WDR82: variants seen among roughly 807,000 people sequenced by gnomAD.
WDR82 encodes WD repeat domain 82.
In WDR82, 8 loss-of-function variants were observed where a neutral mutation model predicts 36.1. The observed-to-expected ratio is 0.22, with a 90% CI of 0.13 to 0.40. WDR82 has a LOEUF of 0.40. Among genes scored for constraint, WDR82 ranks in the 10% least tolerant of loss-of-function variants. The pLI is 1.00. For synonymous variants in WDR82, 129 were observed against 137.8 expected, an observed-to-expected ratio of 0.94 and a Z score of 0.45; for missense variants, 185 against 400.5, an observed-to-expected ratio of 0.46 and a Z score of 4.59.
At chr3:52,266,782 C>T (rs1393484671) in intron 3 of WDR82, among the ~76,000 whole-genome samples, 170 bp downstream of exon 3, 3 of 152,096 alleles carry the variant, frequency 2.0e-5, no homozygotes, top group African/African-American at 7.2e-5. Context: ...TACCTCTGCA[C>T]CTCTATAACC....
At chr3:52,266,286 T>C (rs1471470427) in intron 3 of WDR82, among the ~76,000 whole-genome samples, 7 of 152,122 alleles carry the variant, frequency 4.6e-5, no homozygotes, top group Non-Finnish European at 4.4e-5. Context: ...TATGTGAGAT[T>C]TGGTATTCCT....
chr3:52,275,747 G>A lies in WDR82; in HGVS notation c.161+2454C>T, dbSNP rs553917067. Reference sequence around the variant, plus strand: ...AAAGATACAAAAATTAGCCAGGCATGGTGGCATGCACCTGTAATCCCAGCT... The same window carrying A: ...AAAGATACAAAAATTAGCCAGGCATAGTGGCATGCACCTGTAATCCCAGCT... On this transcript the variant is annotated intron_variant, in intron 1 of 8. Coordinates refer to ENST00000296490, the MANE Select transcript of WDR82 (RefSeq NM_025222.4). 1.4e-4 allele frequency among the ~76,000 whole-genome samples: 22 copies of A among 152,296 alleles called. No homozygotes were observed. The South Asian group carries it at 4.6e-3, about 32-fold the overall frequency.
intron 1 of WDR82, among the ~76,000 whole-genome samples, chr3:52,275,044 A>C (rs923370898): frequency 2.0e-5 from 3 of 152,090 alleles, no homozygotes; most frequent in Admixed American, 2.0e-4. Flanking sequence ...CAACATGGAG[A>C]AATCCCGCAT....
chr3:52,277,947 T>C (rs1278675332), intron 1 of WDR82, among the ~76,000 whole-genome samples: 1 of 151,938 alleles, frequency 6.6e-6, no homozygotes, highest in African/African-American at 2.4e-5. Flanking sequence ...GTTTGGCAAG[T>C]GATGCATAGC....
intron 5 of WDR82, 113 bp from the exon 6 acceptor site, chr3:52,259,985 G>A: frequency 7.7e-7 from 1 of 1,300,662 alleles, no homozygotes; most frequent in Non-Finnish European, 1.0e-6. Context: ...CAGAGAATGA[G>A]CTACTTCTCT....
chr3:52,264,970 T>C (rs6793317), intron 3 of WDR82, among the ~76,000 whole-genome samples: 25,119 of 151,996 alleles, frequency 0.17, 2,869 homozygotes, highest in African/African-American at 0.32. Context: ...ACTCATTTTG[T>C]ATAGCCTTGA....
At chr3:52,269,793 T>C (rs769582889) in intron 2 of WDR82, among the ~76,000 whole-genome samples, 1 of 152,126 alleles carries the variant, frequency 6.6e-6, no homozygotes, top group African/African-American at 2.4e-5. Context: ...AATTCTAACA[T>C]GAAAATAAGT....
At chr3:52,276,475 G>A (rs1378631946) in intron 1 of WDR82, among the ~76,000 whole-genome samples, 2 of 151,814 alleles carry the variant, frequency 1.3e-5, no homozygotes, top group Non-Finnish European at 2.9e-5. Context: ...AGGACTTCAT[G>A]TCAAGGTCAT....
At chr3:52,269,301 C>T (rs1700132906) in intron 2 of WDR82, among the ~76,000 whole-genome samples, 1 of 152,076 alleles carries the variant, frequency 6.6e-6, no homozygotes, top group Non-Finnish European at 1.5e-5. Flanking sequence ...ATGGTGAAGT[C>T]CCAACTCTAC....
chr3:52,277,171 A>G (rs1194695008), intron 1 of WDR82, among the ~76,000 whole-genome samples: 1 of 151,946 alleles, frequency 6.6e-6, no homozygotes, highest in South Asian at 2.1e-4. Flanking sequence ...AACATCAGCA[A>G]GCCTTCTTGG....
intron 1 of WDR82, among the ~76,000 whole-genome samples, chr3:52,275,179 C>CCA (rs1700192232): frequency 6.6e-6 from 1 of 152,136 alleles, no homozygotes; most frequent in Non-Finnish European, 1.5e-5. Flanking sequence ...CGAGATGGAG[C>CCA]CACTGCACTC....
chr3:52,272,832 C>T (rs1179916438), intron 1 of WDR82, among the ~76,000 whole-genome samples: 1 of 152,228 alleles, frequency 6.6e-6, no homozygotes, highest in Non-Finnish European at 1.5e-5. Context: ...GTTATTTGCA[C>T]TTTCAATTTT....
Position 52,269,412 on chromosome 3 carries a change from T to C in WDR82, c.259+1300A>G, listed in dbSNP as rs562388409. 1.1e-4 allele frequency among the ~76,000 whole-genome samples: 17 copies of C among 152,186 alleles called. No individual in the cohort carries two copies. The East Asian group carries it at 3.3e-3, about 29-fold the overall frequency. Reference sequence around the variant, plus strand: ...ATCGCTTGAACCCAGGAGGCTGAGATTGCAGTGAGCCGAGATTGCACCATT... The same window carrying C: ...ATCGCTTGAACCCAGGAGGCTGAGACTGCAGTGAGCCGAGATTGCACCATT... On this transcript the variant is annotated intron_variant, in intron 2 of 8. Transcript: ENST00000296490.
chr3:52,270,379 A>G (rs940435860), intron 2 of WDR82, among the ~76,000 whole-genome samples: 4 of 152,202 alleles, frequency 2.6e-5, no homozygotes, highest in Non-Finnish European at 5.9e-5. Flanking sequence ...TCAGCCTCCC[A>G]AAGGTTGGGA....
In WDR82 at chr3:52,256,919, C is replaced by G. The variant is rs1700014587; in HGVS notation, c.*571G>C. The G allele has an allele frequency of 6.5e-6, 1 of 152,852 alleles. No homozygotes were observed. The highest frequency in any genetic ancestry group is 2.1e-4 in the South Asian group (1 of 4,848). The allele number at this position is 152,852 out of a possible 1,614,324, so 9.5% of individuals were successfully genotyped here. A position where few individuals can be genotyped will look rare whatever the true frequency, so the allele number is the denominator to read the frequency against. ...TGCATGGCTTCCTGCAAGCAAGGTCCTTCTGTATCTGTCCCTTTCTCTGAC... is the reference window on the plus strand; with the variant it reads ...TGCATGGCTTCCTGCAAGCAAGGTCGTTCTGTATCTGTCCCTTTCTCTGAC... On this transcript the variant is annotated 3_prime_UTR_variant, in exon 9 of 9. Transcript: ENST00000296490.
At chr3:52,263,456 C>G (rs553725894) in intron 3 of WDR82, among the ~76,000 whole-genome samples, 56 of 152,206 alleles carry the variant, frequency 3.7e-4, no homozygotes, top group Non-Finnish European at 2.9e-5. Context: ...GGGGAAGGAG[C>G]AATGAAAATA....
chr3:52,257,656 C>G (rs1008156933), intron 8 of WDR82, 137 bp from the exon 9 acceptor site: 1 of 880,006 alleles, frequency 1.1e-6, no homozygotes, highest in Non-Finnish European at 1.8e-6. Context: ...CAACCAACCC[C>G]GATGCTCTAA....
rs71084177 is a variant in WDR82, at chr3:52,277,065, AAATAATAATAATAAT to A, written c.161+1121_161+1135del. On this transcript the variant is annotated intron_variant, in intron 1 of 8. Coordinates refer to ENST00000296490, the MANE Select transcript of WDR82 (RefSeq NM_025222.4). ...AAGGTGGAGAAAAACCCAAGATCTC[AAATAATAATAATAAT>A]AATAATAATAATAATAATAATATCT... Among the ~76,000 whole-genome samples, 602 of 141,024 alleles carry A rather than the reference AAATAATAATAATAAT, an allele frequency of 4.3e-3. 5 individuals carry two copies. Among genetic ancestry groups the A allele is most frequent in the South Asian group, 0.025 (109 of 4,408 alleles). The allele number at this position is 141,024 out of a possible 152,430, so 92.5% of individuals were successfully genotyped here. A position where few individuals can be genotyped will look rare whatever the true frequency, so the allele number is the denominator to read the frequency against.
intron 2 of WDR82, chr3:52,268,000 C>G: frequency 4.7e-6 from 1 of 212,704 alleles, no homozygotes; most frequent in Non-Finnish European, 9.9e-6. Context: ...CAGGGGTTCA[C>G]AGGGGTGCTT....
Sources: allele counts gnomAD v4.1 joint callset (sites outside exome capture counted in the v4.1 genomes callset), GRCh38; gene constraint gnomAD v4.1.1; transcripts MANE v1.5; gene names NCBI Gene and HGNC (gene_info 2026-07-23, HGNC 2026-07-21).